The following ZFPM2 variants were observed in gnomAD, a reference collection of about 807,000 sequenced individuals.
The protein encoded by ZFPM2 is zinc finger protein ZFPM2.
Under a neutral mutation model 98.6 loss-of-function variants are expected in ZFPM2, and 20 were observed. That is an observed-to-expected ratio of 0.20 (90% CI 0.14 to 0.29). ZFPM2 has a LOEUF of 0.29. Ranked by LOEUF, ZFPM2 falls within the 10% of genes least tolerant of loss-of-function variation. The pLI, the probability that ZFPM2 is intolerant of heterozygous loss-of-function variation, is 1.00. For synonymous variants in ZFPM2, 518 were observed against 502.7 expected, an observed-to-expected ratio of 1.03 and a Z score of -0.41; for missense variants, 1,310 against 1,388.6, an observed-to-expected ratio of 0.94 and a Z score of 0.90.
intron 3 of ZFPM2, among the ~76,000 whole-genome samples, chr8:105,497,365 A>T (rs186701015): frequency 6.6e-6 from 1 of 152,306 alleles, no homozygotes; most frequent in African/African-American, 2.4e-5. Flanking sequence ...CATTAAAAGC[A>T]AACAAACAAA....
At chr8:105,610,065 C>A (rs892078765) in intron 4 of ZFPM2, among the ~76,000 whole-genome samples, 5 of 152,006 alleles carry the variant, frequency 3.3e-5, no homozygotes, top group Admixed American at 3.3e-4. Flanking sequence ...TTATGAATTT[C>A]TTGAGGGGGA....
chr8:105,357,917 A>G (rs1467409247), intron 1 of ZFPM2, among the ~76,000 whole-genome samples: 1 of 152,204 alleles, frequency 6.6e-6, no homozygotes, highest in Non-Finnish European at 1.5e-5. Flanking sequence ...CAACTTGACC[A>G]TAGCATTTTG....
At chr8:105,555,328 T>C (rs575007342) in intron 3 of ZFPM2, among the ~76,000 whole-genome samples, 1 of 152,068 alleles carries the variant, frequency 6.6e-6, no homozygotes, top group African/African-American at 2.4e-5. Flanking sequence ...ACATTTTTTA[T>C]TTTTTTATCC....
At chr8:105,737,968 G>A (rs566137019) in intron 5 of ZFPM2, among the ~76,000 whole-genome samples, 47 of 145,852 alleles carry the variant, frequency 3.2e-4, no homozygotes, top group Non-Finnish European at 5.2e-4. Flanking sequence ...ATATAACCAA[G>A]AACCTAAAAA....
chr8:105,517,707 C>CCACACACCA (rs1554613624), intron 3 of ZFPM2, among the ~76,000 whole-genome samples: 1 of 124,890 alleles, frequency 8.0e-6, no homozygotes, highest in Non-Finnish European at 1.6e-5. Context: ...CACACACACA[C>CCACACACCA]CACACACACA....
intron 1 of ZFPM2, among the ~76,000 whole-genome samples, chr8:105,352,586 C>T (rs1050800495): frequency 1.3e-4 from 19 of 149,124 alleles, no homozygotes; most frequent in African/African-American, 2.3e-4. Flanking sequence ...CCCATTTTAC[C>T]GTTTTTTTTT....
intron 5 of ZFPM2, among the ~76,000 whole-genome samples, chr8:105,692,999 A>G (rs1810924430): frequency 6.6e-6 from 1 of 152,206 alleles, no homozygotes; most frequent in South Asian, 2.1e-4. Flanking sequence ...TAGAACGCAG[A>G]CAGAGGTGAT....
In ZFPM2 at chr8:105,447,556, C is replaced by G. The variant is rs115246334; in HGVS notation, c.301+3175C>G. On this transcript the variant is annotated intron_variant, in intron 3 of 7. Coordinates refer to ENST00000407775, the MANE Select transcript of ZFPM2 (RefSeq NM_012082.4). ...TTGTCATACTAATTGAGTTTAGCCG[C>G]AAATTATTGATTAAGATATGAGGTA... Among the ~76,000 whole-genome samples, 1,424 of 152,110 alleles carry G rather than the reference C, an allele frequency of 9.4e-3. 23 individuals carry two copies. The highest frequency in any genetic ancestry group is 0.032 in the African/African-American group (1,323 of 41,516).
chr8:105,533,717 TCTCC>T (rs1405896439), intron 3 of ZFPM2, among the ~76,000 whole-genome samples: 1 of 89,406 alleles, frequency 1.1e-5, no homozygotes, highest in Non-Finnish European at 2.3e-5. Context: ...CTCCTTACTT[TCTCC>T]CTCCCTCCCT....
At chr8:105,357,454 G>A (rs1453682470) in intron 1 of ZFPM2, among the ~76,000 whole-genome samples, 1 of 152,172 alleles carries the variant, frequency 6.6e-6, no homozygotes, top group Non-Finnish European at 1.5e-5. Context: ...ACATCTCATA[G>A]CAATGTGGTA....
At chr8:105,688,732 T>C (rs1333046432) in intron 5 of ZFPM2, among the ~76,000 whole-genome samples, 2 of 152,168 alleles carry the variant, frequency 1.3e-5, no homozygotes, top group East Asian at 3.8e-4. Flanking sequence ...GGCATATGTT[T>C]TTGAATAGAC....
chr8:105,760,191 A>G (rs1812704640), intron 5 of ZFPM2, among the ~76,000 whole-genome samples: 1 of 152,008 alleles, frequency 6.6e-6, no homozygotes, highest in African/African-American at 2.4e-5. Flanking sequence ...GCCCTGGACC[A>G]AAAAGAGCTT....
chr8:105,573,685 G>A (rs74557624), intron 4 of ZFPM2, among the ~76,000 whole-genome samples: 5 of 152,232 alleles, frequency 3.3e-5, no homozygotes, highest in Non-Finnish European at 5.9e-5. Flanking sequence ...TATACAAAAC[G>A]TGATTTGTAC....
intron 3 of ZFPM2, among the ~76,000 whole-genome samples, chr8:105,470,153 C>T (rs928298171): frequency 5.9e-5 from 9 of 152,206 alleles, no homozygotes; most frequent in Admixed American, 5.9e-4. Context: ...CTTCCTTTCT[C>T]TGCCTCTTCC....
At chr8:105,618,644 T>G (rs1816468194) in intron 4 of ZFPM2, among the ~76,000 whole-genome samples, 1 of 152,178 alleles carries the variant, frequency 6.6e-6, no homozygotes. Context: ...CTTAAGCACA[T>G]TGCATATATT....
At chr8:105,423,985 A>C (rs530157612) in intron 2 of ZFPM2, among the ~76,000 whole-genome samples, 1 of 152,164 alleles carries the variant, frequency 6.6e-6, no homozygotes, top group Non-Finnish European at 1.5e-5. Flanking sequence ...ATGTAATGCT[A>C]TATAAAAAAA....
At chr8:105,502,475 C>A (rs1286867480) in intron 3 of ZFPM2, among the ~76,000 whole-genome samples, 1 of 151,524 alleles carries the variant, frequency 6.6e-6, no homozygotes. Flanking sequence ...AGTGGCTATC[C>A]CTAAAAAAGA....
chr8:105,507,295 G>A (rs1339292771), intron 3 of ZFPM2, among the ~76,000 whole-genome samples: 2 of 152,166 alleles, frequency 1.3e-5, no homozygotes, highest in African/African-American at 4.8e-5. Flanking sequence ...CAGGTTAGGG[G>A]TGAGTACTTG....
chr8:105,506,337 A>C (rs1388536121), intron 3 of ZFPM2, among the ~76,000 whole-genome samples: 1 of 152,182 alleles, frequency 6.6e-6, no homozygotes, highest in African/African-American at 2.4e-5. Context: ...ACATGCACAG[A>C]GTTTACTATT....
Sources: gnomAD v4.1 joint callset for allele counts (sites outside exome capture counted in the v4.1 genomes callset) on GRCh38, gnomAD v4.1.1 for gene constraint, MANE v1.5 for transcripts, NCBI Gene and HGNC (gene_info 2026-07-23, HGNC 2026-07-21) for gene names.